The following APOBEC3F variants were observed in gnomAD, a reference collection of about 807,000 sequenced individuals.
The protein encoded by APOBEC3F is apolipoprotein B mRNA editing enzyme catalytic subunit 3F.
Under a neutral mutation model 45.8 loss-of-function variants are expected in APOBEC3F, and 34 were observed. The ratio of observed to expected loss-of-function variants is 0.74; its 90% confidence interval spans 0.57 to 0.99. The LOEUF (loss-of-function observed/expected upper bound fraction) is 0.99. APOBEC3F is among the 50% of genes least tolerant of loss of function. The pLI is 0.00. For synonymous variants in APOBEC3F, 192 were observed against 174.4 expected, an observed-to-expected ratio of 1.10 and a Z score of -0.80; for missense variants, 459 against 474.1, an observed-to-expected ratio of 0.97 and a Z score of 0.30.
At position 39,045,695 on chromosome 22, in the gene APOBEC3F, C is replaced by A; in HGVS notation, c.566+153C>A. The A allele has an allele frequency of 4.3e-6, 6 of 1,397,172 alleles. No individual in the cohort carries two copies. The South Asian group carries it at 6.8e-5, about 16-fold the overall frequency. 86.5% of individuals were successfully genotyped at this position (1,397,172 alleles called of 1,614,324 possible). ...CACCCACACTCCTTGTGCTCCTTCCCCTTCTTGCCTCCTCCCTCTTTCCTG... is the reference window on the plus strand; with the variant it reads ...CACCCACACTCCTTGTGCTCCTTCCACTTCTTGCCTCCTCCCTCTTTCCTG... On this transcript the variant is annotated intron_variant, in intron 4 of 6. Coordinates refer to ENST00000308521, the MANE Select transcript of APOBEC3F (RefSeq NM_145298.6).
rs1437713109 is a variant in APOBEC3F, at chr22:39,041,824, C to T, written c.17+847C>T. Among the ~76,000 whole-genome samples, 4 of 151,658 alleles carry T rather than the reference C, an allele frequency of 2.6e-5. 1 individual carries two copies. Among genetic ancestry groups the T allele is most frequent in the Admixed American group, 1.3e-4 (2 of 15,238 alleles). On this transcript the variant is annotated intron_variant, in intron 1 of 6. Coordinates refer to ENST00000308521, the MANE Select transcript of APOBEC3F (RefSeq NM_145298.6). The stretch of plus-strand genomic sequence containing the variant: ...TTGCAGTGAGCCGAGATCGCCCCAT[C>T]GCACTCCAGCCTGGGCAACAAGAGC...
At position 39,040,941 on chromosome 22, in the gene APOBEC3F, T is replaced by A. The variant is rs1306998246; in HGVS notation, c.-20T>A. The A allele has an allele frequency of 3.2e-6, 5 of 1,571,672 alleles. No individual in the cohort carries two copies. The South Asian group carries it at 3.5e-5, about 11-fold the overall frequency. On this transcript the variant is annotated 5_prime_UTR_variant, in exon 1 of 7. Coordinates refer to ENST00000308521, the MANE Select transcript of APOBEC3F (RefSeq NM_145298.6). ...CTGGTGCTCCAGACAAAGATCTTAGTCGGGACTAGCCGGCCAAGGATGAAG... is the reference window on the plus strand; with the variant it reads ...CTGGTGCTCCAGACAAAGATCTTAGACGGGACTAGCCGGCCAAGGATGAAG...
intron 2 of APOBEC3F, chr22:39,044,460 G>C (rs1478690615): frequency 8.3e-7 from 1 of 1,211,892 alleles, no homozygotes; most frequent in Admixed American, 3.4e-5. Flanking sequence ...CAATGCACCA[G>C]CAACTTTCCA....
Position 39,049,256 on chromosome 22 carries a change from C to T in APOBEC3F, c.567-169C>T, listed in dbSNP as rs544624796. Among the ~76,000 whole-genome samples the T allele has an allele frequency of 7.9e-5, 12 of 152,250 alleles. No homozygotes were observed. The East Asian group carries it at 1.5e-3, about 20-fold the overall frequency. On this transcript the variant is annotated intron_variant, in intron 4 of 6. Transcript: ENST00000308521. ...TGGTTCCAGCTGGGAGAGGTCACCC[C>T]GGCCCTTCTGCCCCTGCCAGCATCC... is the stretch of plus-strand genomic sequence containing the variant.
Position 39,045,347 on chromosome 22 carries a change from C to G in APOBEC3F, c.452-81C>G. On this transcript the variant is annotated intron_variant, in intron 3 of 6. Transcript: ENST00000308521. ...GGGGCGGGGCCAGCACTGACAGCAA[C>G]TGACAGCCAGGAGACCAGGCCTGGG... The G allele has an allele frequency of 1.9e-6, 3 of 1,608,190 alleles. No individual in the cohort carries two copies. In the South Asian group the frequency reaches 3.3e-5, roughly 18 times the overall value.
Position 39,052,131 on chromosome 22 carries a change from G to T in APOBEC3F, c.781G>T (p.Asp261Tyr). 1 of 1,613,536 alleles carries T rather than the reference G, an allele frequency of 6.2e-7. No homozygotes were observed. Among genetic ancestry groups the T allele is most frequent in the South Asian group, 1.1e-5 (1 of 91,060 alleles). The change falls in exon 6 of 7, where the codon GAC becomes TAC. Residue 261 changes from aspartate to tyrosine, a missense_variant. Transcript: ENST00000308521. ...GTGCTTCCTCTCTTGGTTCTGTGAC[G>T]ACATACTGTCTCCTAACACAAACTA... ...ERCFLSWFCD[D>Y]ILSPNTNYEV...
At chr22:39,051,651 A>G (rs1927492920) in intron 5 of APOBEC3F, among the ~76,000 whole-genome samples, 1 of 151,908 alleles carries the variant, frequency 6.6e-6, no homozygotes, top group South Asian at 2.1e-4. Flanking sequence ...ACCCAAAAAA[A>G]TGAGAAGTAA....
chr22:39,044,290 G>T (rs538951911), intron 2 of APOBEC3F: 2 of 1,537,400 alleles, frequency 1.3e-6, no homozygotes, highest in South Asian at 1.3e-5. Flanking sequence ...CAGAATTCAC[G>T]CATGAGGCTC....
chr22:39,045,547 G>T lies in APOBEC3F; in HGVS notation c.566+5G>T, dbSNP rs1927174161. 6.2e-7 allele frequency: 1 copy of T among 1,613,892 alleles called. No homozygotes were observed. ...CACGCTAAAGGAGATTCTCAGGTGA[G>T]GGTCTCCCTCTGGCCTCATCGTCTG... On this transcript the variant is annotated splice_donor_5th_base_variant and intron_variant, in intron 4 of 6. Transcript: ENST00000308521.
rs1927643670 is a variant in APOBEC3F at position 39,054,947 on chromosome 22, G to GGGTTC, written c.*2254_*2255insTTCGG. ...ATGGAGGCTACAAGTCCAAGGTGGA[G>GGGTTC]GGGTCGGCGGGGTTGTTTGCTCTGA... On this transcript the variant is annotated 3_prime_UTR_variant, in exon 7 of 7. Transcript: ENST00000308521. Among the ~76,000 whole-genome samples the GGGTTC allele has an allele frequency of 6.6e-6, 1 of 152,192 alleles. No homozygotes were observed. The highest frequency in any genetic ancestry group is 2.4e-5 in the African/African-American group (1 of 41,440).
rs1276630774 is a variant in APOBEC3F at position 39,052,692 on chromosome 22, G to C, written c.1119G>C (p.Glu373Asp). ...FLDSKLQEIL[E>D] ...ACAGCAAGCTGCAGGAGATTCTCGA[G>C]TGAGGGGTCTCCCCGGGCCTCATGG... The change falls in exon 7 of 7, where the codon GAG (glutamate) becomes GAC (aspartate). Residue 373 changes from glutamate to aspartate, a missense_variant. Physicochemically the swap from Glu to Asp is conservative, Grantham distance 45 (BLOSUM62 2). Transcript: ENST00000308521. 6.2e-7 allele frequency: 1 copy of C among 1,612,520 alleles called. No homozygotes were observed.
rs767672249 is a variant in APOBEC3F, at chr22:39,045,102, C to T, written c.333C>T (p.Pro111=). The change falls in exon 3 of 7, where the codon CCC becomes CCT. Residue 111 remains proline, a synonymous_variant. Transcript: ENST00000308521. ...AKLAEFLAEH[P]NVTLTISAAR... is the part of the protein sequence containing the mutation. ...TGGCCGAATTCCTGGCTGAGCACCC[C>T]AATGTCACCCTGACCATCTCCGCCG... 6.2e-7 allele frequency: 1 copy of T among 1,613,986 alleles called. No individual in the cohort carries two copies. Among genetic ancestry groups the T allele is most frequent in the Non-Finnish European group, 8.5e-7 (1 of 1,179,954 alleles).
At chr22:39,051,990 C>G (rs940739409) in intron 5 of APOBEC3F, 84 bp from the exon 6 acceptor site, 2 of 1,560,742 alleles carry the variant, frequency 1.3e-6, no homozygotes, top group Admixed American at 3.6e-5. Context: ...GCTCCAGGCC[C>G]GCCCTCTGCT....
rs1437538339 is a variant in APOBEC3F, at chr22:39,054,551, AC to A, written c.*1858del. Among the ~76,000 whole-genome samples, 1 of 152,096 alleles carries A rather than the reference AC, an allele frequency of 6.6e-6. No individual in the cohort carries two copies. The highest frequency in any genetic ancestry group is 6.6e-5 in the Admixed American group (1 of 15,266). ...GGCTTAGGCTGGTCTTAAACTCCTG[AC>A]CTCAAGTGATCCAACCTCCTTGGCC... On this transcript the variant is annotated 3_prime_UTR_variant, in exon 7 of 7. Transcript: ENST00000308521.
rs35618865 is a variant in APOBEC3F at position 39,055,010 on chromosome 22, G to A, written c.*2315G>A. Among the ~76,000 whole-genome samples, 877 of 152,144 alleles carry A rather than the reference G, an allele frequency of 5.8e-3. 5 individuals are homozygous for A. Among genetic ancestry groups the A allele is most frequent in the African/African-American group, 0.02 (845 of 41,504 alleles). On this transcript the variant is annotated 3_prime_UTR_variant, in exon 7 of 7. Coordinates refer to ENST00000308521, the MANE Select transcript of APOBEC3F (RefSeq NM_145298.6). ...TGGATGGCAGGGATCCCTTCTGGCT[G>A]TGTCCTCTGTGGCCTTTCCTCTATG...
intron 5 of APOBEC3F, among the ~76,000 whole-genome samples, chr22:39,050,514 G>A (rs983005310): frequency 1.5e-5 from 2 of 135,794 alleles, no homozygotes; most frequent in Admixed American, 7.7e-5. Context: ...GGATGGAAGC[G>A]CGAGTGTTCC....
chr22:39,044,357 G>C (rs1927093180), intron 2 of APOBEC3F: 2 of 1,399,424 alleles, frequency 1.4e-6, no homozygotes, highest in Admixed American at 3.1e-5. Flanking sequence ...GGTGCACTTT[G>C]TGATGATGCT....
intron 2 of APOBEC3F, 70 bp downstream of exon 2, chr22:39,043,160 T>G (rs1324686706): frequency 3.0e-5 from 47 of 1,559,056 alleles, no homozygotes; most frequent in Non-Finnish European, 4.1e-5. Flanking sequence ...CACGCACTGA[T>G]AAGTGAAGTG....
chr22:39,049,674 C>T, intron 5 of APOBEC3F, 93 bp downstream of exon 5: 1 of 1,416,326 alleles, frequency 7.1e-7, no homozygotes, highest in Non-Finnish European at 9.6e-7. Flanking sequence ...GTGGGCTTTC[C>T]TGTGTGTACT....
Sources: gnomAD v4.1 joint callset for allele counts (sites outside exome capture counted in the v4.1 genomes callset) on GRCh38, gnomAD v4.1.1 for gene constraint, MANE v1.5 for transcripts, NCBI Gene and HGNC (gene_info 2026-07-23, HGNC 2026-07-21) for gene names.